DHRSX: variants seen among roughly 807,000 people sequenced by gnomAD.
DHRSX encodes the protein polyprenol dehydrogenase.
DHRSX carries 31 observed loss-of-function variants against 34.0 expected under a neutral mutation model. That is an observed-to-expected ratio of 0.91 (90% confidence interval 0.69 to 1.23). The LOEUF is 1.23. DHRSX is among the 50% of genes most tolerant of loss of function. DHRSX has a pLI of 0.00. For synonymous variants in DHRSX, 201 were observed against 183.8 expected (o/e 1.09, Z -0.76); for missense variants, 414 against 428.1 (o/e 0.97, Z 0.29).
intron 3 of DHRSX, among the ~76,000 whole-genome samples, chrX:2,353,295 G>T (rs2042809712): frequency 6.6e-6 from 1 of 152,072 alleles, no homozygotes; most frequent in Non-Finnish European, 1.5e-5. Context: ...GTGTATGTCA[G>T]TAGAAGAAAC....
chrX:2,441,882 C>A (rs2044067139), intron 1 of DHRSX, among the ~76,000 whole-genome samples: 1 of 151,940 alleles, frequency 6.6e-6, no homozygotes, highest in Non-Finnish European at 1.5e-5. Flanking sequence ...ACCAGCCTGG[C>A]CAACATGGTG....
At chrX:2,295,220 G>C (rs1290883083) in intron 3 of DHRSX, among the ~76,000 whole-genome samples, 2 of 148,634 alleles carry the variant, frequency 1.3e-5, no homozygotes, top group Non-Finnish European at 3.0e-5. Flanking sequence ...GTGGCACATA[G>C]ACACCATGGA....
In DHRSX at chrX:2,223,159, T is replaced by C. The variant is rs562021153; in HGVS notation, c.805-1930A>G. Among the ~76,000 whole-genome samples the C allele has an allele frequency of 4.6e-5, 7 of 152,094 alleles. 1 individual carries two copies. In the South Asian group the frequency reaches 1.2e-3, roughly 27 times the overall value. ...ATTTCATCTTGAACTGTAGCTCCCATAATTCCCATGTGTCAAGGGAGGGAG... is the reference window on the plus strand; with the variant it reads ...ATTTCATCTTGAACTGTAGCTCCCACAATTCCCATGTGTCAAGGGAGGGAG... On this transcript the variant is annotated intron_variant, in intron 6 of 6. Coordinates refer to ENST00000334651, the MANE Select transcript of DHRSX (RefSeq NM_145177.3).
intron 3 of DHRSX, among the ~76,000 whole-genome samples, chrX:2,396,856 C>G (rs2043419008): frequency 6.6e-6 from 1 of 151,540 alleles, no homozygotes; most frequent in East Asian, 1.9e-4. Flanking sequence ...CCTCCGCCTC[C>G]TGGGTTCAAG....
At chrX:2,383,452 C>T (rs2043237351) in intron 3 of DHRSX, among the ~76,000 whole-genome samples, 2 of 151,740 alleles carry the variant, frequency 1.3e-5, no homozygotes, top group South Asian at 2.1e-4. Context: ...ATCACCATCA[C>T]CATAATTATC....
chrX:2,489,203 T>C (rs1485108899), intron 1 of DHRSX: 2 of 1,613,780 alleles, frequency 1.2e-6, no homozygotes, highest in Non-Finnish European at 1.7e-6. Context: ...TTTGACCTTG[T>C]CCAGCAGGCC....
At chrX:2,253,651 G>C (rs1163974413) in intron 5 of DHRSX, among the ~76,000 whole-genome samples, 1 of 152,216 alleles carries the variant, frequency 6.6e-6, no homozygotes, top group Non-Finnish European at 1.5e-5. Flanking sequence ...CTGAACAAAA[G>C]CCACCTGCTA....
intron 1 of DHRSX, among the ~76,000 whole-genome samples, chrX:2,464,044 C>T (rs2069159615): frequency 6.6e-6 from 1 of 152,036 alleles, no homozygotes; most frequent in East Asian, 1.9e-4. Flanking sequence ...ACACTGGAGA[C>T]GTTCCCTAAG....
At chrX:2,334,402 T>C (rs891117500) in intron 3 of DHRSX, 10 of 151,898 alleles carry the variant, frequency 6.6e-5, no homozygotes, top group African/African-American at 2.4e-4. Flanking sequence ...TGACCTCAGG[T>C]GATTCGCGTG....
At chrX:2,344,843 C>A (rs1274171594) in intron 3 of DHRSX, among the ~76,000 whole-genome samples, 2 of 136,248 alleles carry the variant, frequency 1.5e-5, no homozygotes, top group Non-Finnish European at 3.0e-5. Context: ...TGCACATGTA[C>A]CCCAGAACTT....
intron 6 of DHRSX, among the ~76,000 whole-genome samples, chrX:2,234,617 C>T (rs191424178): frequency 3.4e-4 from 52 of 152,364 alleles, no homozygotes; most frequent in Non-Finnish European, 3.5e-4. Flanking sequence ...TATATACACA[C>T]CATGGAATAT....
At chrX:2,320,842 T>G in intron 3 of DHRSX, among the ~76,000 whole-genome samples, 1 of 151,928 alleles carries the variant, frequency 6.6e-6, no homozygotes, top group South Asian at 2.1e-4. Context: ...ACAATCAAGG[T>G]CTAAAGATAA....
At chrX:2,468,915 C>G (rs1343742527) in intron 1 of DHRSX, among the ~76,000 whole-genome samples, 5 of 145,868 alleles carry the variant, frequency 3.4e-5, no homozygotes, top group African/African-American at 1.3e-4. Context: ...TGACCGCTGC[C>G]GTTGCACACT....
chrX:2,225,314 A>G (rs2015629635), intron 6 of DHRSX, among the ~76,000 whole-genome samples: 1 of 145,838 alleles, frequency 6.9e-6, no homozygotes, highest in African/African-American at 2.8e-5. Flanking sequence ...TCACATGCAC[A>G]CATACACATG....
At chrX:2,486,679 G>C (rs1195027429) in intron 1 of DHRSX, 1 of 152,276 alleles carries the variant, frequency 6.6e-6, no homozygotes, top group Non-Finnish European at 1.5e-5. Flanking sequence ...GCAGAACAGG[G>C]AGCAACCCCA....
chrX:2,282,601 A>AGAGAGAAGAAAGAGGGGAGG (rs1472290450), intron 4 of DHRSX, among the ~76,000 whole-genome samples: 6 of 94,048 alleles, frequency 6.4e-5, no homozygotes, highest in East Asian at 6.5e-4. Context: ...GAAAGAGGGG[A>AGAGAGAAGAAAGAGGGGAGG]GAGAGAAGAA....
chrX:2,464,673 C>T (rs1264614463), intron 1 of DHRSX, among the ~76,000 whole-genome samples: 1 of 151,594 alleles, frequency 6.6e-6, no homozygotes, highest in African/African-American at 2.4e-5. Context: ...ACACTGAAGA[C>T]GTTCCCTAAG....
At chrX:2,451,233 TAAAAAAAAAA>T (rs34552645) in intron 1 of DHRSX, among the ~76,000 whole-genome samples, 1 of 135,642 alleles carries the variant, frequency 7.4e-6, no homozygotes, top group African/African-American at 2.7e-5. Flanking sequence ...ACTCCATCTT[TAAAAAAAAAA>T]AAAAAAAAGT....
intron 3 of DHRSX, among the ~76,000 whole-genome samples, chrX:2,397,849 G>A (rs1404072041): frequency 6.6e-6 from 1 of 151,964 alleles, no homozygotes; most frequent in East Asian, 1.9e-4. Flanking sequence ...CAGGTGTGCC[G>A]GCAAGTCGGC....
Sources: gnomAD v4.1 joint callset for allele counts (sites outside exome capture counted in the v4.1 genomes callset) on GRCh38, gnomAD v4.1.1 for gene constraint, MANE v1.5 for transcripts, NCBI Gene and HGNC (gene_info 2026-07-23, HGNC 2026-07-21) for gene names.